MAGEA11: variants seen among roughly 807,000 people sequenced by gnomAD.
The protein encoded by MAGEA11 is melanoma-associated antigen 11.
MAGEA11 carries 1 observed loss-of-function variant against 8.4 expected under a neutral mutation model. The ratio of observed to expected loss-of-function variants is 0.12; its 90% CI spans 0.04 to 0.57. The LOEUF (loss-of-function observed/expected upper bound fraction) is 0.57. MAGEA11 is among the 20% of genes least tolerant of loss of function. The pLI is 0.91. For synonymous variants in MAGEA11, 127 were observed against 119.3 expected, an observed-to-expected ratio of 1.06 and a Z score of -0.42; for missense variants, 209 against 317.3, an observed-to-expected ratio of 0.66 and a Z score of 2.59.
chrX:149,689,848 A>C (rs2090302889), intron 1 of MAGEA11, among the ~76,000 whole-genome samples: 1 of 111,945 alleles, frequency 8.9e-6, no homozygotes, highest in Non-Finnish European at 1.9e-5. Context: ...TCATTGTCCT[A>C]CCCCTGACCT....
intron 1 of MAGEA11, among the ~76,000 whole-genome samples, chrX:149,703,796 A>C (rs1219632260): frequency 8.9e-6 from 1 of 112,160 alleles, no homozygotes; most frequent in Non-Finnish European, 1.9e-5. Context: ...ATGGGCACAC[A>C]ATAATAATAG....
intron 1 of MAGEA11, among the ~76,000 whole-genome samples, chrX:149,691,524 C>T (rs956734884): frequency 9.0e-6 from 1 of 111,462 alleles, no homozygotes; most frequent in Non-Finnish European, 1.9e-5. Context: ...GCATTTTTTT[C>T]AAGTCTTGCT....
In MAGEA11 at chrX:149,713,176, G is replaced by A. The variant is rs782796516; in HGVS notation, c.17G>A (p.Arg6His). Residue 6 changes from arginine (R) to histidine (H), a missense_variant, in exon 2 of 5, where the codon CGC becomes CAC. Around this residue, in one of 2 missense-constraint regions of MAGEA11, gnomAD observed 131 missense variants for 138.5 expected, o/e 0.95. Coordinates refer to ENST00000355220, the MANE Select transcript of MAGEA11 (RefSeq NM_005366.5). Reference protein sequence around the residue: METQFRRGGLGCSPAS... With the variant: METQFHRGGLGCSPAS... Reference sequence around the variant, plus strand: ...ATCTGAGGGATGGAGACTCAGTTCCGCAGAGGGGGTCTGGGGTGCAGCCCT... The same window carrying A: ...ATCTGAGGGATGGAGACTCAGTTCCACAGAGGGGGTCTGGGGTGCAGCCCT... 6.8e-5 allele frequency: 82 copies of A among 1,204,918 alleles called. No individual in the cohort carries two copies. The highest frequency in any genetic ancestry group is 4.8e-4 in the Admixed American group (22 of 45,436).
intron 3 of MAGEA11, 59 bp from the exon 4 acceptor site, chrX:149,715,545 G>A (rs1557362352): frequency 2.3e-6 from 2 of 881,554 alleles, no homozygotes; most frequent in African/African-American, 4.0e-5. Flanking sequence ...CTCAGTCCTG[G>A]AGCCTCCTGC....
chrX:149,716,875 A>G lies in MAGEA11; in HGVS notation c.*99A>G. 1 of 831,235 alleles carries G rather than the reference A, an allele frequency of 1.2e-6. No individual in the cohort carries two copies. The highest frequency in any genetic ancestry group is 1.7e-6 in the Non-Finnish European group (1 of 584,921). 68.5% of individuals were successfully genotyped at this position (831,235 alleles called of 1,213,427 possible). On this transcript the variant is annotated 3_prime_UTR_variant, in exon 5 of 5. Transcript: ENST00000355220. ...CCCTGTCCTGTGTGAAATCAGGCCC[A>G]TTCTTCCCTCTGTGTTTGATGAGAG...
At chrX:149,698,376 T>G (rs782718854) in intron 1 of MAGEA11, among the ~76,000 whole-genome samples, 32 of 112,264 alleles carry the variant, frequency 2.9e-4, no homozygotes, top group Middle Eastern at 9.2e-3. Flanking sequence ...TTTAATCATT[T>G]GAATATGATC....
chrX:149,702,420 T>C (rs1309506501), intron 1 of MAGEA11, among the ~76,000 whole-genome samples: 1 of 111,855 alleles, frequency 8.9e-6, no homozygotes, highest in Non-Finnish European at 1.9e-5. Context: ...TAAAATATCT[T>C]TCTTTTTCTC....
chrX:149,705,220 CTCCCATAAT>C (rs1251907108), intron 1 of MAGEA11, among the ~76,000 whole-genome samples: 1 of 112,341 alleles, frequency 8.9e-6, no homozygotes, highest in Non-Finnish European at 1.9e-5. Context: ...CTGAATTGTA[CTCCCATAAT>C]TCCCATAATT....
chrX:149,690,042 C>T (rs781866914), intron 1 of MAGEA11, among the ~76,000 whole-genome samples: 190 of 112,290 alleles, frequency 1.7e-3, no homozygotes, highest in Middle Eastern at 4.6e-3. Context: ...GCCTCTCCTC[C>T]GGGAAAGAGG....
intron 1 of MAGEA11, among the ~76,000 whole-genome samples, chrX:149,706,485 G>T (rs149977065): frequency 3.6e-4 from 41 of 112,425 alleles, no homozygotes; most frequent in African/African-American, 1.3e-3. Context: ...CATTTGAAAA[G>T]TAAGTCATCA....
chrX:149,712,492 T>C (rs1303134445), intron 1 of MAGEA11, among the ~76,000 whole-genome samples: 5 of 111,835 alleles, frequency 4.5e-5, no homozygotes, highest in African/African-American at 1.3e-4. Flanking sequence ...GGCTTGGTAC[T>C]GCGGAGTTGC....
chrX:149,699,934 C>G (rs2090344914), intron 1 of MAGEA11, among the ~76,000 whole-genome samples: 1 of 111,820 alleles, frequency 8.9e-6, no homozygotes, highest in African/African-American at 3.2e-5. Flanking sequence ...AAGCAGGCAC[C>G]TTCTTCATAA....
chrX:149,714,626 G>T lies in MAGEA11; in HGVS notation c.192+50G>T, dbSNP rs782278379. The T allele has an allele frequency of 5.6e-4, 664 of 1,190,737 alleles. 1 individual carries two copies. The highest frequency in any genetic ancestry group is 7.8e-4 in the East Asian group (26 of 33,368). ...GGGTTCCTCCTGGCCAGAACACAGA[G>T]GGCTGCTTAGAAATCTGCTCTGCCC... On this transcript the variant is annotated intron_variant, in intron 3 of 4. Transcript: ENST00000355220.
At chrX:149,702,163 G>A (rs1265987173) in intron 1 of MAGEA11, among the ~76,000 whole-genome samples, 1 of 111,750 alleles carries the variant, frequency 8.9e-6, no homozygotes, top group African/African-American at 3.2e-5. Flanking sequence ...TTTGGGTGCT[G>A]TGTTCTATAA....
At chrX:149,707,147 G>T (rs2090380963), upstream of MAGEA11, among the ~76,000 whole-genome samples, 1 of 112,106 alleles carries the variant, frequency 8.9e-6, no homozygotes, top group African/African-American at 3.2e-5. Context: ...TGGAAAGATT[G>T]AAAATTCCAT....
chrX:149,696,952 C>T (rs782070896), intron 1 of MAGEA11, among the ~76,000 whole-genome samples: 3 of 111,878 alleles, frequency 2.7e-5, no homozygotes, highest in East Asian at 2.8e-4. Flanking sequence ...TAGTATTTTC[C>T]GTGGCCACTG....
chrX:149,699,721 T>A (rs149127751), intron 1 of MAGEA11, among the ~76,000 whole-genome samples: 1 of 111,348 alleles, frequency 9.0e-6, no homozygotes, highest in Non-Finnish European at 1.9e-5. Flanking sequence ...GAGTAGTTTT[T>A]TTATTATTAT....
At chrX:149,702,202 T>C (rs1276253320) in intron 1 of MAGEA11, among the ~76,000 whole-genome samples, 1 of 111,781 alleles carries the variant, frequency 8.9e-6, no homozygotes, top group Non-Finnish European at 1.9e-5. Context: ...TGGTTTATAT[T>C]GTTGTTGAAA....
chrX:149,699,428 C>G (rs1557360817), intron 1 of MAGEA11, among the ~76,000 whole-genome samples: 1 of 111,926 alleles, frequency 8.9e-6, no homozygotes, highest in Non-Finnish European at 1.9e-5. Context: ...ACTGCATTGC[C>G]TAATCATTGA....
Sources: gnomAD v4.1 joint callset for allele counts (sites outside exome capture counted in the v4.1 genomes callset) on GRCh38, gnomAD v4.1.1 for gene constraint, gnomAD v4.1.1 regional missense constraint, MANE v1.5 for transcripts, NCBI Gene and HGNC (gene_info 2026-07-23, HGNC 2026-07-21) for gene names.